Variants in NTM observed in about 807,000 individuals in gnomAD.
NTM encodes the protein neurotrimin.
NTM carries 13 observed loss-of-function variants against 42.1 expected under a neutral mutation model. That is an observed-to-expected ratio of 0.31 (90% CI 0.20 to 0.49). The LOEUF (loss-of-function observed/expected upper bound fraction) is 0.49, where lower values mean the gene tolerates loss of function less well. Among genes scored for constraint, NTM ranks in the 20% least tolerant of loss-of-function variants. The pLI, the probability that NTM is intolerant of heterozygous loss-of-function variation, is 0.99. For synonymous variants in NTM, 187 were observed against 179.2 expected, an observed-to-expected ratio of 1.04 and a Z score of -0.35; for missense variants, 373 against 452.8, an observed-to-expected ratio of 0.82 and a Z score of 1.60.
At chr11:131,677,829 C>G (rs1038937964) in intron 1 of NTM, among the ~76,000 whole-genome samples, 1 of 152,206 alleles carries the variant, frequency 6.6e-6, no homozygotes, top group Non-Finnish European at 1.5e-5. Context: ...GCATCCTTGT[C>G]CCCTCCACTC....
At position 131,432,839 on chromosome 11, in the gene NTM, C is replaced by CATTTTTTTTTTTTTTTTTTTTTTTTTTTT. The variant is rs1565494793; in HGVS notation, c.82+61951_82+61952insATTTTTTTTTTTTTTTTTTTTTTTTTTTT. ...CTACAAAAGATGAAGATTTAGCATT[C>CATTTTTTTTTTTTTTTTTTTTTTTTTTTT]TTTTTTTTTTTTTTTTTTTTTTTTT... On this transcript the variant is annotated intron_variant, in intron 1 of 8. Coordinates refer to ENST00000683400, the MANE Select transcript of NTM (RefSeq NM_001352005.2). Among the ~76,000 whole-genome samples, 55 of 68,696 alleles carry CATTTTTTTTTTTTTTTTTTTTTTTTTTTT rather than the reference C, an allele frequency of 8.0e-4. 3 individuals are homozygous for CATTTTTTTTTTTTTTTTTTTTTTTTTTTT. The highest frequency in any genetic ancestry group is 1.2e-3 in the Non-Finnish European group (46 of 38,804). The allele number at this position is 68,696 out of a possible 152,430, so 45.1% of individuals were successfully genotyped here.
At chr11:131,536,041 T>C (rs561509791) in intron 1 of NTM, 2 of 152,310 alleles carry the variant, frequency 1.3e-5, no homozygotes, top group South Asian at 4.1e-4. Flanking sequence ...TATTTCCACT[T>C]TTCCTCAATA....
intron 2 of NTM, among the ~76,000 whole-genome samples, chr11:132,122,331 C>G (rs893874415): frequency 6.6e-6 from 1 of 152,122 alleles, no homozygotes; most frequent in East Asian, 1.9e-4. Flanking sequence ...GTGGATTTTC[C>G]CCACTATGGT....
chr11:131,687,867 T>A lies in NTM; in HGVS notation c.83-223697T>A, dbSNP rs754866180. Among the ~76,000 whole-genome samples, 8 of 152,046 alleles carry A rather than the reference T, an allele frequency of 5.3e-5. 1 individual carries two copies. The highest frequency in any genetic ancestry group is 1.0e-4 in the Non-Finnish European group (7 of 68,006). ...TTCCACCCCGCTCCCACCCCACGTA[T>A]CCTCCAGCCCCACACTCACATCCCC... On this transcript the variant is annotated intron_variant, in intron 1 of 8. Transcript: ENST00000683400.
chr11:131,794,083 G>T (rs78133363), intron 1 of NTM, among the ~76,000 whole-genome samples: 3,201 of 152,276 alleles, frequency 0.021, 119 homozygotes, highest in African/African-American at 0.072. Context: ...ACTCATGGAC[G>T]GTTCTCCAGG....
At chr11:132,167,085 C>T (rs2075391568) in intron 3 of NTM, among the ~76,000 whole-genome samples, 1 of 151,988 alleles carries the variant, frequency 6.6e-6, no homozygotes, top group Non-Finnish European at 1.5e-5. Flanking sequence ...TCCTATTTTA[C>T]TCTGTTCTAT....
chr11:131,536,061 G>A (rs2052145514), intron 1 of NTM: 1 of 152,134 alleles, frequency 6.6e-6, no homozygotes. Flanking sequence ...AGAATAACTT[G>A]CGGGGTGGGG....
In NTM at chr11:131,911,251, G is replaced by A. The variant is rs555223073; in HGVS notation, c.83-313G>A. 5.5e-5 allele frequency: 78 copies of A among 1,416,730 alleles called. No homozygotes were observed. The African/African-American group carries it at 1.1e-3, about 19-fold the overall frequency. 87.8% of individuals were successfully genotyped at this position (1,416,730 alleles called of 1,614,324 possible). A position where few individuals can be genotyped will look rare whatever the true frequency, so the allele number is the denominator to read the frequency against. On this transcript the variant is annotated intron_variant, in intron 1 of 8. Coordinates refer to ENST00000683400, the MANE Select transcript of NTM (RefSeq NM_001352005.2). ...AGCGAGGAGGGAGCCCCCTTTGGCC[G>A]TCCTCCGTGGAACCGGTTTTCCGAG...
intron 7 of NTM, among the ~76,000 whole-genome samples, chr11:132,319,375 A>G (rs2095507933): frequency 6.6e-6 from 1 of 152,196 alleles, no homozygotes; most frequent in African/African-American, 2.4e-5. Context: ...CTAGTCAAAG[A>G]AAGCAGTGAC....
chr11:131,648,103 G>A (rs2065997407), intron 1 of NTM, among the ~76,000 whole-genome samples: 1 of 152,184 alleles, frequency 6.6e-6, no homozygotes, highest in Non-Finnish European at 1.5e-5. Context: ...GTGAGAGCAT[G>A]TGGTATTTGG....
chr11:131,524,575 A>G (rs1187226517), intron 1 of NTM, among the ~76,000 whole-genome samples: 2 of 152,244 alleles, frequency 1.3e-5, no homozygotes, highest in Non-Finnish European at 2.9e-5. Flanking sequence ...GTGACTAGCC[A>G]TAGCCGCTGA....
chr11:132,180,841 G>C (rs1592059501), intron 3 of NTM, among the ~76,000 whole-genome samples: 2 of 152,030 alleles, frequency 1.3e-5, no homozygotes, highest in East Asian at 3.9e-4. Flanking sequence ...TCTTTCCATT[G>C]TATTCGCTAC....
intron 1 of NTM, among the ~76,000 whole-genome samples, chr11:131,653,356 A>G (rs996350183): frequency 6.6e-6 from 1 of 152,068 alleles, no homozygotes; most frequent in Non-Finnish European, 1.5e-5. Context: ...CCAGGGGAGG[A>G]CGGACATCAG....
chr11:131,393,517 T>C (rs1391389127), intron 1 of NTM, among the ~76,000 whole-genome samples: 1 of 152,226 alleles, frequency 6.6e-6, no homozygotes, highest in Non-Finnish European at 1.5e-5. Flanking sequence ...ATTCCATTAG[T>C]GCAGGGCAGC....
At chr11:132,283,329 G>T (rs1251146872) in intron 4 of NTM, among the ~76,000 whole-genome samples, 1 of 152,022 alleles carries the variant, frequency 6.6e-6, no homozygotes, top group Admixed American at 6.5e-5. Flanking sequence ...TAAACATCTG[G>T]CAAATTCTTA....
intron 1 of NTM, among the ~76,000 whole-genome samples, chr11:131,739,886 AG>A (rs1013290345): frequency 6.6e-6 from 1 of 152,202 alleles, no homozygotes; most frequent in Non-Finnish European, 1.5e-5. Context: ...ACCATGAGCA[AG>A]GGGGCCTCAA....
At chr11:131,371,508 G>C (rs566884572) in intron 1 of NTM, among the ~76,000 whole-genome samples, 1 of 151,988 alleles carries the variant, frequency 6.6e-6, no homozygotes, top group African/African-American at 2.4e-5. Flanking sequence ...GAGGGGAGCC[G>C]GGGCTCTGAA....
intron 2 of NTM, among the ~76,000 whole-genome samples, chr11:131,954,588 A>C (rs1321217168): frequency 6.6e-6 from 1 of 152,108 alleles, no homozygotes; most frequent in Non-Finnish European, 1.5e-5. Flanking sequence ...AATTTCACCC[A>C]TAGTGCACAA....
At chr11:131,590,473 C>T (rs1222551397) in intron 1 of NTM, among the ~76,000 whole-genome samples, 1 of 152,126 alleles carries the variant, frequency 6.6e-6, no homozygotes, top group Non-Finnish European at 1.5e-5. Context: ...AAAGCAGATC[C>T]CAGAGATAGG....
Sources: gnomAD v4.1 joint callset for allele counts (sites outside exome capture counted in the v4.1 genomes callset) on GRCh38, gnomAD v4.1.1 for gene constraint, MANE v1.5 for transcripts, NCBI Gene and HGNC (gene_info 2026-07-23, HGNC 2026-07-21) for gene names.